The following KCNIP4 variants were observed in gnomAD, a reference collection of about 807,000 sequenced individuals.
The protein encoded by KCNIP4 is Kv channel-interacting protein 4.
Under a neutral mutation model 34.0 loss-of-function variants are expected in KCNIP4, and 12 were observed. That is an observed-to-expected ratio of 0.35 (90% confidence interval 0.23 to 0.57). The LOEUF is 0.57. Ranked by LOEUF, KCNIP4 falls within the 20% of genes least tolerant of loss-of-function variation. The pLI, the probability that KCNIP4 is intolerant of heterozygous loss-of-function variation, is 0.83. For synonymous variants in KCNIP4, 124 were observed against 102.2 expected (o/e 1.21, Z -1.29); for missense variants, 238 against 311.7 (o/e 0.76, Z 1.78).
chr4:21,142,543 A>G (rs1158882657), intron 1 of KCNIP4, among the ~76,000 whole-genome samples: 1 of 152,110 alleles, frequency 6.6e-6, no homozygotes, highest in Non-Finnish European at 1.5e-5. Context: ...CTGCTTCAGA[A>G]ATGTGATTTT....
chr4:21,676,325 A>C (rs754429532), intron 1 of KCNIP4, among the ~76,000 whole-genome samples: 3 of 152,242 alleles, frequency 2.0e-5, no homozygotes, highest in African/African-American at 4.8e-5. Context: ...TATAAACTTA[A>C]GAGTGACATT....
intron 1 of KCNIP4, among the ~76,000 whole-genome samples, chr4:21,120,918 AG>A (rs758563389): frequency 6.6e-6 from 1 of 152,188 alleles, no homozygotes; most frequent in Non-Finnish European, 1.5e-5. Flanking sequence ...TTGAGGCACT[AG>A]GGGTTAGAAT....
chr4:21,309,883 A>T (rs1712945465), intron 1 of KCNIP4, among the ~76,000 whole-genome samples: 1 of 152,222 alleles, frequency 6.6e-6, no homozygotes, highest in South Asian at 2.1e-4. Flanking sequence ...CTCTAATGGT[A>T]GTGGCAGGTA....
chr4:21,000,038 T>C (rs1737968004), intron 1 of KCNIP4, among the ~76,000 whole-genome samples: 1 of 152,198 alleles, frequency 6.6e-6, no homozygotes, highest in Non-Finnish European at 1.5e-5. Context: ...TGTTTGTTCA[T>C]GACCATTTAA....
At chr4:21,578,802 A>G (rs956385391) in intron 1 of KCNIP4, among the ~76,000 whole-genome samples, 1 of 152,170 alleles carries the variant, frequency 6.6e-6, no homozygotes, top group Non-Finnish European at 1.5e-5. Flanking sequence ...TCTGAGCATG[A>G]AGGTCATACA....
chr4:21,252,181 G>A (rs1347751537), intron 1 of KCNIP4, among the ~76,000 whole-genome samples: 1 of 147,124 alleles, frequency 6.8e-6, no homozygotes, highest in Non-Finnish European at 1.5e-5. Context: ...AGGCTGGAGT[G>A]CAGTGGCGCA....
intron 1 of KCNIP4, among the ~76,000 whole-genome samples, chr4:20,981,931 C>T (rs568826263): frequency 6.6e-6 from 1 of 152,150 alleles, no homozygotes; most frequent in Non-Finnish European, 1.5e-5. Context: ...CCAAGGAAGA[C>T]TTTTCAGACC....
intron 3 of KCNIP4, among the ~76,000 whole-genome samples, chr4:20,799,860 C>A (rs771810232): frequency 1.3e-5 from 2 of 152,216 alleles, no homozygotes; most frequent in Non-Finnish European, 2.9e-5. Flanking sequence ...TCCAGAGCTG[C>A]ACCAGTGCTG....
intron 1 of KCNIP4, among the ~76,000 whole-genome samples, chr4:21,182,582 C>T (rs963285811): frequency 6.6e-6 from 1 of 151,828 alleles, no homozygotes; most frequent in African/African-American, 2.4e-5. Flanking sequence ...GTACATTGTA[C>T]CCATTAAGTA....
At chr4:21,181,032 T>C (rs1754799945) in intron 1 of KCNIP4, among the ~76,000 whole-genome samples, 1 of 152,156 alleles carries the variant, frequency 6.6e-6, no homozygotes. Context: ...ATGTTAGGTT[T>C]CAAATACCAA....
chr4:21,097,528 T>G (rs1577684566), intron 1 of KCNIP4, among the ~76,000 whole-genome samples: 1 of 152,248 alleles, frequency 6.6e-6, no homozygotes, highest in Non-Finnish European at 1.5e-5. Context: ...ATTTTGGTAA[T>G]TATTACAATA....
chr4:20,995,823 C>T (rs1382813348), intron 1 of KCNIP4, among the ~76,000 whole-genome samples: 1 of 152,128 alleles, frequency 6.6e-6, no homozygotes, highest in Non-Finnish European at 1.5e-5. Context: ...GCAAAATATG[C>T]AAGGGACTGT....
At chr4:21,893,861 G>A (rs1228045148) in intron 1 of KCNIP4, among the ~76,000 whole-genome samples, 2 of 152,094 alleles carry the variant, frequency 1.3e-5, no homozygotes, top group African/African-American at 4.8e-5. Flanking sequence ...CATCTGAACT[G>A]AATTTTCAGT....
At chr4:20,811,567 TA>T (rs1370100944) in intron 3 of KCNIP4, among the ~76,000 whole-genome samples, 3 of 152,100 alleles carry the variant, frequency 2.0e-5, no homozygotes, top group African/African-American at 7.2e-5. Flanking sequence ...GATTTCAAGT[TA>T]AAAATGGGTT....
chr4:20,748,560 T>TTATATATATATA (rs3075750), intron 5 of KCNIP4, among the ~76,000 whole-genome samples: 18 of 64,894 alleles, frequency 2.8e-4, no homozygotes, highest in Non-Finnish European at 3.8e-4. Context: ...CTTCCAAATT[T>TTATATATATATA]TATATATATA....
chr4:21,064,436 T>C (rs1047690249), intron 1 of KCNIP4, among the ~76,000 whole-genome samples: 1 of 152,086 alleles, frequency 6.6e-6, no homozygotes, highest in East Asian at 1.9e-4. Context: ...TGCAATAGTA[T>C]GTCATAACAA....
In KCNIP4 at chr4:21,106,430, G is replaced by A. The variant is rs561913289; in HGVS notation, c.62-223721C>T. 4.0e-5 allele frequency among the ~76,000 whole-genome samples: 6 copies of A among 151,754 alleles called. No individual in the cohort carries two copies. The South Asian group carries it at 1.2e-3, about 31-fold the overall frequency. On this transcript the variant is annotated intron_variant, in intron 1 of 8. Coordinates refer to ENST00000382152, the MANE Select transcript of KCNIP4 (RefSeq NM_025221.6). ...CTGATGGTAGTTTGTATTTCTGTGG[G>A]ATCGGTGGTGATATCCCCTTTATCA...
intron 1 of KCNIP4, among the ~76,000 whole-genome samples, chr4:20,905,499 C>T (rs1366780876): frequency 4.0e-5 from 3 of 74,598 alleles, no homozygotes; most frequent in East Asian, 4.3e-4. Flanking sequence ...GGTAGTTGAA[C>T]GTTTTCTTTC....
intron 1 of KCNIP4, among the ~76,000 whole-genome samples, chr4:21,560,404 G>A (rs1739416870): frequency 6.6e-6 from 1 of 152,066 alleles, no homozygotes; most frequent in African/African-American, 2.4e-5. Flanking sequence ...ACATGTAAGT[G>A]CCTATTATAG....
Sources: allele counts gnomAD v4.1 joint callset (sites outside exome capture counted in the v4.1 genomes callset), GRCh38; gene constraint gnomAD v4.1.1; transcripts MANE v1.5; gene names NCBI Gene and HGNC (gene_info 2026-07-23, HGNC 2026-07-21).